The following CALN1 variants were observed in gnomAD, a reference collection of about 807,000 sequenced individuals.
CALN1 encodes calneuron 1, also known as calcium-binding protein 8.
In CALN1, 17 loss-of-function variants were observed where a neutral mutation model predicts 30.6. That is an observed-to-expected ratio of 0.56 (90% CI 0.38 to 0.83). CALN1 has a LOEUF of 0.83. CALN1 is among the 40% of genes least tolerant of loss of function. The probability of loss-of-function intolerance (pLI) is 0.00; values close to 1 mark genes in which losing one functional copy is unlikely to be tolerated. For synonymous variants in CALN1, 156 were observed against 131.4 expected (o/e 1.19, Z -1.28); for missense variants, 291 against 354.9 (o/e 0.82, Z 1.45).
the CALN1 span, among the ~76,000 whole-genome samples, chr7:72,452,665 C>A: frequency 6.6e-6 from 1 of 152,216 alleles, no homozygotes; most frequent in East Asian, 1.9e-4. Flanking sequence ...GCCTCAGGTA[C>A]TCCTTTATAG....
chr7:72,162,770 T>A (rs570097357), intron 3 of CALN1, among the ~76,000 whole-genome samples: 1 of 152,156 alleles, frequency 6.6e-6, no homozygotes, highest in East Asian at 1.9e-4. Context: ...AGAGGACACA[T>A]ACATGTTTAT....
At chr7:72,091,525 CTTA>C (rs1465675456) in intron 4 of CALN1, among the ~76,000 whole-genome samples, 11 of 152,230 alleles carry the variant, frequency 7.2e-5, no homozygotes, top group African/African-American at 2.4e-4. Flanking sequence ...ATATGTATAA[CTTA>C]TATCCATAAA....
intron 6 of CALN1, among the ~76,000 whole-genome samples, chr7:71,804,506 T>C (rs1428909093): frequency 6.6e-6 from 1 of 152,152 alleles, no homozygotes; most frequent in African/African-American, 2.4e-5. Flanking sequence ...GGACTCTCTT[T>C]ATTTTATTAA....
intron 3 of CALN1, among the ~76,000 whole-genome samples, chr7:72,132,736 T>G (rs1043038929): frequency 8.5e-5 from 13 of 152,116 alleles, no homozygotes; most frequent in Non-Finnish European, 5.9e-5. Context: ...TGTCCCCGGC[T>G]AATCAAATGA....
chr7:72,387,473 GACAA>G (rs1362804426), intron 2 of CALN1, among the ~76,000 whole-genome samples: 3 of 152,112 alleles, frequency 2.0e-5, no homozygotes, highest in Admixed American at 6.5e-5. Context: ...AGAGAAACCT[GACAA>G]ACACACACTC....
intron 3 of CALN1, among the ~76,000 whole-genome samples, chr7:72,268,267 A>G (rs564854884): frequency 7.2e-5 from 11 of 152,184 alleles, no homozygotes; most frequent in Non-Finnish European, 1.2e-4. Flanking sequence ...AAAAGCGGAG[A>G]AGGAGGAAGG....
chr7:72,124,098 C>T (rs1808575193), intron 3 of CALN1, among the ~76,000 whole-genome samples: 1 of 152,292 alleles, frequency 6.6e-6, no homozygotes, highest in East Asian at 1.9e-4. Context: ...CACGTGCACA[C>T]ACACACCAAT....
chr7:72,372,392 T>C (rs1196436757), intron 2 of CALN1, among the ~76,000 whole-genome samples: 3 of 152,146 alleles, frequency 2.0e-5, no homozygotes, highest in Admixed American at 2.0e-4. Flanking sequence ...GCAGAAAGCA[T>C]GCAGCAGATT....
chr7:72,313,421 T>A (rs922818516), intron 2 of CALN1, among the ~76,000 whole-genome samples: 8 of 152,096 alleles, frequency 5.3e-5, no homozygotes, highest in Admixed American at 3.9e-4. Flanking sequence ...AGACAGAGTA[T>A]CACTGTGTCA....
At chr7:72,039,403 C>T (rs1801991075) in intron 4 of CALN1, among the ~76,000 whole-genome samples, 1 of 152,260 alleles carries the variant, frequency 6.6e-6, no homozygotes, top group East Asian at 1.9e-4. Context: ...CATATCTTTC[C>T]CTGGAGAGAG....
intron 3 of CALN1, among the ~76,000 whole-genome samples, chr7:72,164,785 T>C (rs1254499155): frequency 6.6e-6 from 1 of 152,172 alleles, no homozygotes; most frequent in Admixed American, 6.5e-5. Context: ...CACCTCAGCC[T>C]CCTGAGCAGC....
intron 3 of CALN1, among the ~76,000 whole-genome samples, chr7:72,262,730 T>C (rs1796348428): frequency 6.6e-6 from 1 of 152,190 alleles, no homozygotes; most frequent in African/African-American, 2.4e-5. Flanking sequence ...ATGTACTACG[T>C]TTTCTTTAAG....
intron 4 of CALN1, among the ~76,000 whole-genome samples, chr7:72,054,476 CATACATATATATATACATAT>C (rs1803087828): frequency 4.5e-5 from 4 of 89,578 alleles, no homozygotes; most frequent in Non-Finnish European, 1.0e-4. Context: ...TACATATATA[CATACATATATATATACATAT>C]ATACATATAT....
intron 5 of CALN1, among the ~76,000 whole-genome samples, chr7:71,949,067 A>C (rs1381127083): frequency 6.6e-6 from 1 of 151,416 alleles, no homozygotes; most frequent in Non-Finnish European, 1.5e-5. Flanking sequence ...AAAAAAAAAA[A>C]AAAAAGAATT....
chr7:72,054,532 C>CATAT (rs201370455), intron 4 of CALN1, among the ~76,000 whole-genome samples: 2 of 88,332 alleles, frequency 2.3e-5, no homozygotes, highest in African/African-American at 4.5e-5. Context: ...TATATACATA[C>CATAT]ATATATATAT....
rs967288504 is a variant in CALN1, at chr7:72,090,211, A to G, written c.388+15940T>C. Among the ~76,000 whole-genome samples, 12 of 152,278 alleles carry G rather than the reference A, an allele frequency of 7.9e-5. 1 individual carries two copies. Among genetic ancestry groups the G allele is most frequent in the Admixed American group, 5.2e-4 (8 of 15,300 alleles). On this transcript the variant is annotated intron_variant, in intron 4 of 6. Transcript: ENST00000395275. ...CAGCCACTTGGGAGGCTGAGGCAGG[A>G]GAATTGCTTGAACCTGGGAGGCAGA...
chr7:72,403,498 T>C, intron 1 of CALN1, 56 bp from the exon 2 acceptor site: 1 of 641,142 alleles, frequency 1.6e-6, no homozygotes, highest in Non-Finnish European at 2.5e-6. Context: ...ATTATTCTTC[T>C]CAAAGCCTGC....
intron 5 of CALN1, among the ~76,000 whole-genome samples, chr7:71,962,786 T>C (rs570804337): frequency 1.3e-5 from 2 of 152,332 alleles, no homozygotes; most frequent in Non-Finnish European, 2.9e-5. Context: ...TGTGGGTCTT[T>C]TTTCCTTCTA....
chr7:72,266,977 C>A (rs1466632419), intron 3 of CALN1, among the ~76,000 whole-genome samples: 1 of 152,200 alleles, frequency 6.6e-6, no homozygotes, highest in Admixed American at 6.5e-5. Flanking sequence ...CAGCTCAGGG[C>A]AGAGCTGTAT....
Sources: allele counts gnomAD v4.1 joint callset (sites outside exome capture counted in the v4.1 genomes callset), GRCh38; gene constraint gnomAD v4.1.1; transcripts MANE v1.5; gene names NCBI Gene and HGNC (gene_info 2026-07-23, HGNC 2026-07-21).